Variants in PIGB observed in about 807,000 individuals in gnomAD.
The protein encoded by PIGB is phosphatidylinositol glycan anchor biosynthesis class B.
In PIGB, 58 loss-of-function variants were observed where a neutral mutation model predicts 68.4. The observed-to-expected ratio is 0.85, with a 90% confidence interval of 0.69 to 1.06. The LOEUF (loss-of-function observed/expected upper bound fraction) is 1.06, where lower values mean the gene tolerates loss of function less well. Ranked by LOEUF, PIGB falls within the 50% of genes least tolerant of loss-of-function variation. PIGB has a pLI of 0.00. For missense variants in PIGB, 634 were observed against 655.8 expected (o/e 0.97, Z 0.36); for synonymous variants, 219 against 220.5 (o/e 0.99, Z 0.06).
chr15:55,338,968 G>A (rs1400807058), intron 6 of PIGB, among the ~76,000 whole-genome samples: 2 of 152,198 alleles, frequency 1.3e-5, no homozygotes, highest in African/African-American at 2.4e-5. Context: ...CAGGAACTAT[G>A]AAATGGTAAA....
chr15:55,354,587 T>C, intron 10 of PIGB: 1 of 500,770 alleles, frequency 2.0e-6, no homozygotes, highest in South Asian at 3.0e-5. Context: ...GCTTATAGGT[T>C]ATACTGCTGC....
At chr15:55,339,206 G>A in intron 6 of PIGB, 61 bp from the exon 7 acceptor site, 1 of 1,209,626 alleles carries the variant, frequency 8.3e-7, no homozygotes. Flanking sequence ...AAAGCCATAT[G>A]CTAATAGTGG....
At chr15:55,325,619 TA>T (rs1555403017) in intron 3 of PIGB, among the ~76,000 whole-genome samples, 7 of 152,124 alleles carry the variant, frequency 4.6e-5, no homozygotes, top group Non-Finnish European at 1.5e-5. Flanking sequence ...TGTGCTTTTT[TA>T]AAAAGTAATT....
chr15:55,330,595 GAGA>G (rs528031134), intron 5 of PIGB, among the ~76,000 whole-genome samples: 96 of 152,280 alleles, frequency 6.3e-4, no homozygotes, highest in Non-Finnish European at 1.2e-3. Context: ...CATGGAAGAA[GAGA>G]AGAAGAAGGG....
At chr15:55,350,940 G>A (rs1218599749) in intron 10 of PIGB, 28 bp downstream of exon 10, 14 of 1,175,356 alleles carry the variant, frequency 1.2e-5, no homozygotes, top group Non-Finnish European at 1.7e-5. Context: ...ACTATATGCT[G>A]TTAAGAAACT....
At chr15:55,330,504 G>A (rs1310513456) in intron 5 of PIGB, among the ~76,000 whole-genome samples, 1 of 152,076 alleles carries the variant, frequency 6.6e-6, no homozygotes, top group Non-Finnish European at 1.5e-5. Context: ...GCATAGAACT[G>A]TAAATGGGCT....
Position 55,333,917 on chromosome 15 carries a change from C to T in PIGB, c.704C>T (p.Ala235Val), listed in dbSNP as rs369780177. The T allele has an allele frequency of 1.2e-6, 2 of 1,607,446 alleles. No individual in the cohort carries two copies. The highest frequency in any genetic ancestry group is 1.7e-6 in the Non-Finnish European group (2 of 1,176,014). ...CTTGCCTTCATAATTCGTCCCACAG[C>T]TGTCATTCTGTGGACACCTTTGCTC... ...VALAFIIRPT[A>V]VILWTPLLFR... The change falls in exon 6 of 12, where the codon GCT (alanine) becomes GTT (valine). Residue 235 changes from alanine to valine, a missense_variant. Transcript: ENST00000164305.
intron 10 of PIGB, among the ~76,000 whole-genome samples, chr15:55,353,252 A>T (rs2055963498): frequency 6.6e-6 from 1 of 152,234 alleles, no homozygotes; most frequent in Non-Finnish European, 1.5e-5. Flanking sequence ...AGAGAGCAAC[A>T]TCTGTCCCTT....
intron 5 of PIGB, among the ~76,000 whole-genome samples, 152 bp downstream of exon 5, chr15:55,330,006 T>C (rs1289172468): frequency 1.3e-5 from 2 of 152,164 alleles, no homozygotes; most frequent in African/African-American, 2.4e-5. Flanking sequence ...AGAAAACAGA[T>C]AATACTCAAA....
At position 55,351,078 on chromosome 15, in the gene PIGB, G is replaced by A. The variant is rs369954124; in HGVS notation, c.1337+166G>A. Reference sequence around the variant, plus strand: ...GGATTTTAAAAACCACTTGAACTGTGTCAAAGAAAATGTTTTAAATAAACT... The same window carrying A: ...GGATTTTAAAAACCACTTGAACTGTATCAAAGAAAATGTTTTAAATAAACT... On this transcript the variant is annotated intron_variant, in intron 10 of 11. Coordinates refer to ENST00000164305, the MANE Select transcript of PIGB (RefSeq NM_004855.5). 2.2e-4 allele frequency among the ~76,000 whole-genome samples: 33 copies of A among 150,114 alleles called. No homozygotes were observed. The East Asian group carries it at 5.9e-3, about 27-fold the overall frequency.
intron 10 of PIGB, 76 bp from the exon 11 acceptor site, chr15:55,354,722 T>G (rs2056032018): frequency 1.7e-6 from 2 of 1,149,092 alleles, no homozygotes; most frequent in African/African-American, 3.1e-5. Context: ...TTGCTAAGTA[T>G]AAATGACATA....
At position 55,339,258 on chromosome 15, in the gene PIGB, G is replaced by A; in HGVS notation, c.795-9G>A. ...AAATGTGAATCACTATGCTATTTTT[G>A]TTTTTCAGCTTTGTTACTTTGAGTT... is the stretch of plus-strand genomic sequence containing the variant. On this transcript the variant is annotated splice_polypyrimidine_tract_variant and intron_variant, in intron 6 of 11. Transcript: ENST00000164305. 14 of 1,547,932 alleles carry A rather than the reference G, an allele frequency of 9.0e-6. No individual in the cohort carries two copies. Among genetic ancestry groups the A allele is most frequent in the Non-Finnish European group, 1.1e-5 (13 of 1,144,576 alleles).
chr15:55,348,304 A>C (rs533668280), intron 9 of PIGB: 1 of 152,224 alleles, frequency 6.6e-6, no homozygotes, highest in East Asian at 1.9e-4. Flanking sequence ...CAAATTATTA[A>C]TAAGTGAATC....
chr15:55,340,592 T>C lies in PIGB; in HGVS notation c.847-20T>C. On this transcript the variant is annotated intron_variant, in intron 7 of 11. Transcript: ENST00000164305. ...TTGGCACTAACACATTTCTATTTAT[T>C]TTTCCTTCAACGGTGCCAGTGGACT... The C allele has an allele frequency of 6.4e-7, 1 of 1,557,016 alleles. No individual in the cohort carries two copies.
intron 11 of PIGB, 61 bp downstream of exon 11, chr15:55,355,039 C>A (rs2056043587): frequency 1.5e-6 from 2 of 1,351,286 alleles, no homozygotes; most frequent in Non-Finnish European, 1.0e-6. Context: ...GTTTAGGAAA[C>A]CCTCAGGTAA....
chr15:55,321,292 GA>G lies in PIGB; in HGVS notation c.321del (p.Glu107AspfsTer6). On this transcript the variant is annotated frameshift_variant, in exon 3 of 12. Transcript: ENST00000164305. LOFTEE classifies it high-confidence loss of function. ...TACTAATTATGGTTATTTGACTTGG[GA>G]ATGGACAGAGAGACTGAGGAGTTAC... Reference protein sequence around the residue: ...MVFNYGYLTWEWTERLRSYTY... With the variant: ...MVFNYGYLTWXWTERLRSYTY... 1.2e-6 allele frequency: 2 copies of G among 1,603,104 alleles called. No homozygotes were observed. Among genetic ancestry groups the G allele is most frequent in the Non-Finnish European group, 1.7e-6 (2 of 1,173,440 alleles).
At position 55,327,573 on chromosome 15, in the gene PIGB, G is replaced by C; in HGVS notation, c.460G>C (p.Ala154Pro). Residue 154 changes from alanine (A) to proline (P), a missense_variant, in exon 4 of 12, where the codon GCA (alanine) becomes CCA (proline). Coordinates refer to ENST00000164305, the MANE Select transcript of PIGB (RefSeq NM_004855.5). ...TGCCCAAGCACTTCTGTCTGCTGTA[G>C]CAGATGTGAGACTTTACTCATTAAT... ...RLAQALLSAV[A>P]DVRLYSLMKQ... The C allele has an allele frequency of 5.0e-6, 8 of 1,612,476 alleles. No individual in the cohort carries two copies. Among genetic ancestry groups the C allele is most frequent in the Non-Finnish European group, 6.8e-6 (8 of 1,179,296 alleles).
At chr15:55,319,464 C>G (rs2055111528) in intron 1 of PIGB, 51 bp downstream of exon 1, 3 of 1,400,476 alleles carry the variant, frequency 2.1e-6, no homozygotes, top group Admixed American at 4.6e-5. Context: ...CTAAAAGGAA[C>G]CCCCTCCATT....
At chr15:55,341,680 C>A in intron 8 of PIGB, 58 bp from the exon 9 acceptor site, 1 of 603,606 alleles carries the variant, frequency 1.7e-6, no homozygotes, top group Non-Finnish European at 2.6e-6. Flanking sequence ...ATTACTTTCT[C>A]AATCTATCAT....
Sources: allele counts gnomAD v4.1 joint callset (sites outside exome capture counted in the v4.1 genomes callset), GRCh38; gene constraint gnomAD v4.1.1; transcripts MANE v1.5; gene names NCBI Gene and HGNC (gene_info 2026-07-23, HGNC 2026-07-21).